ST6GALNAC3: variants seen among roughly 807,000 people sequenced by gnomAD.
The protein encoded by ST6GALNAC3 is ST6 N-acetylgalactosaminide alpha-2,6-sialyltransferase 3.
In ST6GALNAC3, 25 loss-of-function variants were observed where a neutral mutation model predicts 32.7. The ratio of observed to expected loss-of-function variants is 0.76; its 90% CI spans 0.56 to 1.07. The LOEUF is 1.07. ST6GALNAC3 is among the 50% of genes least tolerant of loss of function. The pLI is 0.00. For missense variants in ST6GALNAC3, 355 were observed against 382.4 expected (o/e 0.93, Z 0.60); for synonymous variants, 129 against 133.1 (o/e 0.97, Z 0.21).
At chr1:76,193,427 A>G (rs1159722223) in intron 1 of ST6GALNAC3, among the ~76,000 whole-genome samples, 2 of 152,128 alleles carry the variant, frequency 1.3e-5, no homozygotes, top group African/African-American at 4.8e-5. Flanking sequence ...TCCCTTCTTT[A>G]TCTTCTCTTA....
chr1:76,145,402 C>T (rs1302165120), intron 1 of ST6GALNAC3, among the ~76,000 whole-genome samples: 1 of 152,154 alleles, frequency 6.6e-6, no homozygotes, highest in Non-Finnish European at 1.5e-5. Context: ...CGTGTACTAG[C>T]AGCATGGGCA....
rs1346438529 is a variant in ST6GALNAC3 at position 76,633,230 on chromosome 1, G to T, written c.*4424G>T. Reference sequence around the variant, plus strand: ...AGTGCTTTTTCCACTACACTTTTTAGACAGAAGAGTAGCTGGAAAAAGAAT... The same window carrying T: ...AGTGCTTTTTCCACTACACTTTTTATACAGAAGAGTAGCTGGAAAAAGAAT... On this transcript the variant is annotated 3_prime_UTR_variant, in exon 5 of 5. Coordinates refer to ENST00000328299, the MANE Select transcript of ST6GALNAC3 (RefSeq NM_152996.4). 6.6e-6 allele frequency: 1 copy of T among 152,164 alleles called. No homozygotes were observed. The highest frequency in any genetic ancestry group is 1.5e-5 in the Non-Finnish European group (1 of 68,032). The allele number at this position is 152,164 out of a possible 1,614,324, so 9.4% of individuals were successfully genotyped here. A position where few individuals can be genotyped will look rare whatever the true frequency, so the allele number is the denominator to read the frequency against.
chr1:76,246,737 A>G (rs946952337), intron 1 of ST6GALNAC3, among the ~76,000 whole-genome samples: 5 of 152,132 alleles, frequency 3.3e-5, no homozygotes, highest in Non-Finnish European at 2.9e-5. Flanking sequence ...GCTTCCTTGC[A>G]TTGGGTTCGA....
At chr1:76,287,387 C>CTTTTTTTTT (rs5775339) in intron 1 of ST6GALNAC3, among the ~76,000 whole-genome samples, 2 of 130,738 alleles carry the variant, frequency 1.5e-5, no homozygotes, top group Non-Finnish European at 3.2e-5. Flanking sequence ...TTTTTTCTTC[C>CTTTTTTTTT]TTTTTTTTTT....
At chr1:76,285,927 T>G (rs896236686) in intron 1 of ST6GALNAC3, among the ~76,000 whole-genome samples, 2 of 145,432 alleles carry the variant, frequency 1.4e-5, no homozygotes, top group Non-Finnish European at 3.0e-5. Context: ...CTCCCCCATC[T>G]GGACCCGCCC....
intron 1 of ST6GALNAC3, among the ~76,000 whole-genome samples, chr1:76,230,054 A>G (rs1656284019): frequency 6.6e-6 from 1 of 152,174 alleles, no homozygotes; most frequent in Admixed American, 6.5e-5. Flanking sequence ...CTTATAGATG[A>G]CTTAGCTTAG....
At chr1:76,412,481 TC>T in intron 3 of ST6GALNAC3, 64 bp downstream of exon 3, 1 of 1,456,704 alleles carries the variant, frequency 6.9e-7, no homozygotes, top group Non-Finnish European at 9.2e-7. Context: ...CTTCGCCAAT[TC>T]CTTTTGCAGG....
intron 3 of ST6GALNAC3, among the ~76,000 whole-genome samples, chr1:76,596,758 G>T (rs1023672997): frequency 3.9e-5 from 6 of 152,122 alleles, no homozygotes; most frequent in African/African-American, 1.4e-4. Context: ...CAGAACATTT[G>T]CAGTAACTGT....
chr1:76,268,491 C>T (rs1479098968), intron 1 of ST6GALNAC3, among the ~76,000 whole-genome samples: 2 of 152,140 alleles, frequency 1.3e-5, no homozygotes, highest in South Asian at 2.1e-4. Context: ...TCAGCCTTTC[C>T]CTCCAGCCCC....
At position 76,169,470 on chromosome 1, in the gene ST6GALNAC3, C is replaced by A. The variant is rs566302551; in HGVS notation, c.18+94586C>A. Among the ~76,000 whole-genome samples the A allele has an allele frequency of 4.6e-5, 7 of 152,170 alleles. No homozygotes were observed. In the South Asian group the frequency reaches 1.2e-3, roughly 27 times the overall value. ...TAGTAAAAAGAATTTTACTGGGGTT[C>A]TCTGCATTTTCTGAATTTGAATGTT... On this transcript the variant is annotated intron_variant, in intron 1 of 4. Coordinates refer to ENST00000328299, the MANE Select transcript of ST6GALNAC3 (RefSeq NM_152996.4).
intron 1 of ST6GALNAC3, among the ~76,000 whole-genome samples, chr1:76,079,439 A>T (rs963805708): frequency 2.0e-5 from 3 of 152,158 alleles, no homozygotes; most frequent in Non-Finnish European, 4.4e-5. Flanking sequence ...TTTCATTTTT[A>T]AAAAATATAG....
Position 76,627,452 on chromosome 1 carries a change from A to G in ST6GALNAC3, c.624A>G (p.Arg208=). Reference sequence around the variant, plus strand: ...TATTGTTTGTTTTCATTTCCCTCAGAGTCCAGTCTGGCTCATATCTCAGCA... The same window carrying G: ...TATTGTTTGTTTTCATTTCCCTCAGGGTCCAGTCTGGCTCATATCTCAGCA... ...GVFKKETGKD[R]VQSGSYLSTG... Residue 208 remains arginine, a splice_region_variant and synonymous_variant, in exon 4 of 5, where the codon AGA becomes AGG. Transcript: ENST00000328299. 6.2e-7 allele frequency: 1 copy of G among 1,601,454 alleles called. No individual in the cohort carries two copies. The highest frequency in any genetic ancestry group is 8.6e-7 in the Non-Finnish European group (1 of 1,169,388).
chr1:76,085,093 A>G (rs1304674376), intron 1 of ST6GALNAC3, among the ~76,000 whole-genome samples: 1 of 152,134 alleles, frequency 6.6e-6, no homozygotes, highest in East Asian at 1.9e-4. Context: ...GTGTTTTTAA[A>G]TGGTTGAAAA....
At chr1:76,320,961 TATACAC>T (rs1338089249) in intron 2 of ST6GALNAC3, among the ~76,000 whole-genome samples, 7 of 149,700 alleles carry the variant, frequency 4.7e-5, no homozygotes, top group East Asian at 2.0e-4. Flanking sequence ...ATGGTATATA[TATACAC>T]ACACACACAC....
intron 3 of ST6GALNAC3, among the ~76,000 whole-genome samples, chr1:76,482,898 C>T (rs1195651838): frequency 7.2e-6 from 1 of 139,038 alleles, no homozygotes; most frequent in Non-Finnish European, 1.5e-5. Context: ...ACCAGAGGCC[C>T]GGGTGTGTGA....
rs190055951 is a variant in ST6GALNAC3, at chr1:76,298,538, T to A, written c.19-15267T>A. On this transcript the variant is annotated intron_variant, in intron 1 of 4. Coordinates refer to ENST00000328299, the MANE Select transcript of ST6GALNAC3 (RefSeq NM_152996.4). ...CTAAACCCGGATGGAACACCTGCAG[T>A]TTTTCCCTGAACGTCAGCATAAATA... Among the ~76,000 whole-genome samples, 258 of 152,076 alleles carry A rather than the reference T, an allele frequency of 1.7e-3. 1 individual carries two copies. Among genetic ancestry groups the A allele is most frequent in the African/African-American group, 6.0e-3 (249 of 41,492 alleles).
At chr1:76,094,124 C>G (rs560305677) in intron 1 of ST6GALNAC3, among the ~76,000 whole-genome samples, 1 of 152,220 alleles carries the variant, frequency 6.6e-6, no homozygotes, top group South Asian at 2.1e-4. Context: ...CACAGGAACA[C>G]GAGGAAAGCA....
At chr1:76,399,176 G>A (rs1653215038) in intron 2 of ST6GALNAC3, among the ~76,000 whole-genome samples, 1 of 152,056 alleles carries the variant, frequency 6.6e-6, no homozygotes, top group Non-Finnish European at 1.5e-5. Context: ...AATGTCTTTT[G>A]AGGGATAGTA....
intron 1 of ST6GALNAC3, among the ~76,000 whole-genome samples, chr1:76,182,841 ATTT>A (rs60876646): frequency 6.7e-6 from 1 of 148,800 alleles, no homozygotes; most frequent in African/African-American, 2.5e-5. Flanking sequence ...TACCTTCATA[ATTT>A]TTTTTTTTTA....
Sources: gnomAD v4.1 joint callset for allele counts (sites outside exome capture counted in the v4.1 genomes callset) on GRCh38, gnomAD v4.1.1 for gene constraint, MANE v1.5 for transcripts, NCBI Gene and HGNC (gene_info 2026-07-23, HGNC 2026-07-21) for gene names.